LIPT1: variants seen among roughly 807,000 people sequenced by gnomAD.
The protein encoded by LIPT1 is lipoyl amidotransferase LIPT1, mitochondrial.
In LIPT1, 22 loss-of-function variants were observed where a neutral mutation model predicts 25.1. That is an observed-to-expected ratio of 0.88 (90% CI 0.63 to 1.25). LIPT1 has a LOEUF of 1.25. Among genes scored for constraint, LIPT1 ranks in the 50% most tolerant of loss-of-function variants. LIPT1 has a pLI of 0.00. For synonymous variants in LIPT1, 131 were observed against 150.8 expected (o/e 0.87, Z 0.96); for missense variants, 399 against 432.8 (o/e 0.92, Z 0.69).
rs779325293 is a variant in LIPT1 at position 99,162,416 on chromosome 2, C to T, written c.459C>T (p.Asp153=). The change falls in exon 2 of 2, where the codon GAC becomes GAT. Residue 153 remains aspartate (D), a synonymous_variant. Coordinates refer to ENST00000651691, the MANE Select transcript of LIPT1 (RefSeq NM_145199.3). ...QLDVQATKRF[D]LLLDGQFKIS... ...ATGTGCAGGCTACCAAAAGATTTGA[C>T]CTTTTACTTGATGGACAGTTTAAAA... is the stretch of plus-strand genomic sequence containing the variant. The T allele has an allele frequency of 6.2e-7, 1 of 1,614,002 alleles. No homozygotes were observed. Among genetic ancestry groups the T allele is most frequent in the South Asian group, 1.1e-5 (1 of 91,086 alleles).
Position 99,162,046 on chromosome 2 carries a change from A to C in LIPT1, c.89A>C (p.Asn30Thr). The change falls in exon 2 of 2, where the codon AAT becomes ACT. Residue 30 changes from asparagine to threonine, a missense_variant. By Grantham distance (65) the Asn-to-Thr change is moderately conservative (BLOSUM62 0). Transcript: ENST00000651691. Reference sequence around the variant, plus strand: ...GCTGGCTTTAAAAAAACAGTAAAAAATGGGCTCATTTTACAGTCAATTTCC... The same window carrying C: ...GCTGGCTTTAAAAAAACAGTAAAAACTGGGCTCATTTTACAGTCAATTTCC... The part of the protein sequence containing the change: ...PAAGFKKTVK[N>T]GLILQSISND... The C allele has an allele frequency of 6.2e-7, 1 of 1,614,186 alleles. No individual in the cohort carries two copies. The highest frequency in any genetic ancestry group is 8.5e-7 in the Non-Finnish European group (1 of 1,180,020).
intron 1 of LIPT1, among the ~76,000 whole-genome samples, chr2:99,160,302 A>G (rs541715759): frequency 1.3e-5 from 2 of 152,102 alleles, no homozygotes; most frequent in Non-Finnish European, 2.9e-5. Flanking sequence ...CAGCTGCTTC[A>G]GAGGCTGAGA....
At chr2:99,158,626 T>G (rs1051848490) in intron 1 of LIPT1, among the ~76,000 whole-genome samples, 2 of 152,190 alleles carry the variant, frequency 1.3e-5, no homozygotes, top group African/African-American at 4.8e-5. Flanking sequence ...TCTTGCCTTC[T>G]TATTAACTCC....
rs749012007 is a variant in LIPT1, at chr2:99,163,065, A to G, written c.1108A>G (p.Lys370Glu). The G allele has an allele frequency of 1.9e-6, 3 of 1,554,894 alleles. No homozygotes were observed. The highest frequency in any genetic ancestry group is 2.6e-6 in the Non-Finnish European group (3 of 1,152,676). ...ATGGAATATTCTCTGTGAAAAAATT[A>G]AGGGAATAATGTGATTCCAAGTAAA... is the stretch of plus-strand genomic sequence containing the variant. Reference protein sequence around the residue: ...SKWNILCEKIKGIM With the variant: ...SKWNILCEKIEGIM The change falls in exon 2 of 2, where the codon AAG (lysine) becomes GAG (glutamate). Residue 370 changes from lysine (K) to glutamate (E), a missense_variant. Lys to Glu is a moderately conservative substitution (Grantham distance 56). Transcript: ENST00000651691.
intron 1 of LIPT1, 137 bp from the exon 2 acceptor site, chr2:99,161,820 T>A: frequency 1.6e-6 from 1 of 644,316 alleles, no homozygotes; most frequent in Non-Finnish European, 2.6e-6. Flanking sequence ...AAAGACTAAT[T>A]GTAAAGCTAA....
intron 1 of LIPT1, among the ~76,000 whole-genome samples, chr2:99,155,847 C>T (rs2093746445): frequency 6.6e-6 from 1 of 152,194 alleles, no homozygotes; most frequent in African/African-American, 2.4e-5. Context: ...AAGTGTCTTC[C>T]CCAGAGCCCA....
chr2:99,159,581 A>G (rs2093773398), intron 1 of LIPT1, among the ~76,000 whole-genome samples: 1 of 152,200 alleles, frequency 6.6e-6, no homozygotes, highest in Non-Finnish European at 1.5e-5. Context: ...ACTTCAGTGG[A>G]TCTTAGCTGC....
chr2:99,155,212 A>C (rs950067558), intron 1 of LIPT1, 161 bp downstream of exon 1: 2 of 376,606 alleles, frequency 5.3e-6, no homozygotes, highest in Non-Finnish European at 1.1e-5. Flanking sequence ...TCTCCTCAGC[A>C]CTTGGGACGA....
chr2:99,160,666 T>A (rs972450834), intron 1 of LIPT1, among the ~76,000 whole-genome samples: 1 of 152,226 alleles, frequency 6.6e-6, no homozygotes, highest in African/African-American at 2.4e-5. Flanking sequence ...ATAGTGAATT[T>A]ATTCTTAGCC....
intron 1 of LIPT1, among the ~76,000 whole-genome samples, chr2:99,161,158 A>G (rs1276603929): frequency 6.8e-6 from 1 of 146,006 alleles, no homozygotes; most frequent in African/African-American, 2.5e-5. Flanking sequence ...CCAGTGAGGT[A>G]GGAGAATCGC....
chr2:99,156,595 C>T (rs1379615041), intron 1 of LIPT1: 1 of 152,148 alleles, frequency 6.6e-6, no homozygotes, highest in Non-Finnish European at 1.5e-5. Context: ...TCCTTATCAC[C>T]TTTATTCATT....
At chr2:99,161,899 T>C (rs2093795985) in intron 1 of LIPT1, 58 bp from the exon 2 acceptor site, 2 of 1,393,826 alleles carry the variant, frequency 1.4e-6, no homozygotes. Flanking sequence ...AGTTAGAAAA[T>C]AGAATTTAAT....
chr2:99,155,290 T>G lies in LIPT1; in HGVS notation c.-2+239T>G, dbSNP rs11902847. The G allele has an allele frequency of 8.2e-4, 302 of 366,206 alleles. 2 individuals carry two copies. The highest frequency in any genetic ancestry group is 6.1e-3 in the African/African-American group (289 of 47,108). The allele number at this position is 366,206 out of a possible 1,614,324, so 22.7% of individuals were successfully genotyped here. ...GGAGGGTAAATATCGTAAAACATGT[T>G]GGACGCTAGCTGTGTGCACGCCCCC... On this transcript the variant is annotated intron_variant, in intron 1 of 1. Transcript: ENST00000651691.
At chr2:99,160,131 G>A (rs566650487) in intron 1 of LIPT1, among the ~76,000 whole-genome samples, 2 of 152,232 alleles carry the variant, frequency 1.3e-5, no homozygotes, top group South Asian at 4.1e-4. Flanking sequence ...TTGGGGCCAG[G>A]TGTAGTGGCC....
At chr2:99,155,487 T>C (rs1259955989) in intron 1 of LIPT1, 3 of 455,846 alleles carry the variant, frequency 6.6e-6, no homozygotes, top group Non-Finnish European at 1.3e-5. Context: ...TTCAGTTCAG[T>C]GATGGGGAGC....
intron 1 of LIPT1, among the ~76,000 whole-genome samples, chr2:99,156,965 T>C (rs1429485985): frequency 6.6e-6 from 1 of 152,230 alleles, no homozygotes; most frequent in African/African-American, 2.4e-5. Flanking sequence ...GGGAGAACCC[T>C]GTCATAACAG....
At chr2:99,158,203 T>C (rs1163447238) in intron 1 of LIPT1, among the ~76,000 whole-genome samples, 1 of 152,196 alleles carries the variant, frequency 6.6e-6, no homozygotes, top group Non-Finnish European at 1.5e-5. Context: ...GTAATCATTA[T>C]ATCATAAAGG....
chr2:99,161,239 G>T (rs1164178129), intron 1 of LIPT1, among the ~76,000 whole-genome samples: 1 of 107,082 alleles, frequency 9.3e-6, no homozygotes, highest in Non-Finnish European at 1.7e-5. Context: ...GTGACAGGGC[G>T]AGACTCCGTC....
intron 1 of LIPT1, among the ~76,000 whole-genome samples, chr2:99,156,100 A>T (rs977447887): frequency 1.3e-5 from 2 of 152,104 alleles, no homozygotes; most frequent in African/African-American, 4.8e-5. Flanking sequence ...TTCGGGGTTC[A>T]ACTGAAATGT....
Sources: allele counts gnomAD v4.1 joint callset (sites outside exome capture counted in the v4.1 genomes callset), GRCh38; gene constraint gnomAD v4.1.1; transcripts MANE v1.5; gene names NCBI Gene and HGNC (gene_info 2026-07-23, HGNC 2026-07-21).